The following COL10A1 variants were observed in gnomAD, a reference collection of about 807,000 sequenced individuals.
COL10A1 encodes the protein collagen alpha-1(X) chain.
COL10A1 carries 10 observed loss-of-function variants against 18.2 expected under a neutral mutation model. The observed-to-expected ratio is 0.55, with a 90% confidence interval of 0.34 to 0.93. COL10A1 has a LOEUF of 0.93. Among genes scored for constraint, COL10A1 ranks in the 40% least tolerant of loss-of-function variants. The probability of loss-of-function intolerance (pLI) is 0.02; values close to 1 mark genes in which losing one functional copy is unlikely to be tolerated. For missense variants in COL10A1, 897 were observed against 853.5 expected (o/e 1.05, Z -0.64); for synonymous variants, 330 against 316.6 (o/e 1.04, Z -0.45).
At chr6:116,209,752 A>C in the COL10A1 span, among the ~76,000 whole-genome samples, 6 of 151,972 alleles carry the variant, frequency 3.9e-5, no homozygotes, top group Non-Finnish European at 2.9e-5. Flanking sequence ...AGACAATATC[A>C]GTTCAGTGAC....
chr6:116,203,909 T>C, the COL10A1 span, among the ~76,000 whole-genome samples: 1 of 151,976 alleles, frequency 6.6e-6, no homozygotes, highest in Non-Finnish European at 1.5e-5. Flanking sequence ...ATATCTATAA[T>C]TATTATCATA....
upstream of COL10A1, among the ~76,000 whole-genome samples, chr6:116,160,002 AT>A (rs1780290925): frequency 6.6e-6 from 1 of 152,024 alleles, no homozygotes; most frequent in Non-Finnish European, 1.5e-5. Context: ...CATTTTTTTT[AT>A]TCCAGTCAAC....
intron 1 of COL10A1, among the ~76,000 whole-genome samples, chr6:116,142,273 T>C (rs1779786497): frequency 6.6e-6 from 1 of 151,904 alleles, no homozygotes; most frequent in African/African-American, 2.4e-5. Context: ...TTTGATTAAA[T>C]TCTATTTTTG....
chr6:116,128,083 C>CA (rs546837330), upstream of COL10A1, among the ~76,000 whole-genome samples: 399 of 152,104 alleles, frequency 2.6e-3, 10 homozygotes, highest in South Asian at 0.043. Context: ...ATTAGAGACA[C>CA]AAAAAAATCC....
intron 1 of COL10A1, among the ~76,000 whole-genome samples, chr6:116,153,137 A>G (rs1411159582): frequency 6.6e-6 from 1 of 151,318 alleles, no homozygotes; most frequent in African/African-American, 2.4e-5. Flanking sequence ...ATGTATATAC[A>G]TACATATTCA....
At chr6:116,161,102 A>G (rs1283782691), upstream of COL10A1, among the ~76,000 whole-genome samples, 1 of 150,900 alleles carries the variant, frequency 6.6e-6, no homozygotes, top group East Asian at 2.0e-4. Flanking sequence ...CAAAAAACCA[A>G]ACACCGCATG....
At chr6:116,145,984 C>A (rs1281980670) in intron 1 of COL10A1, among the ~76,000 whole-genome samples, 1 of 152,220 alleles carries the variant, frequency 6.6e-6, no homozygotes, top group South Asian at 2.1e-4. Context: ...AGGCAGAAAT[C>A]TTTCCTTACT....
At chr6:116,127,038 G>A (rs892865604), upstream of COL10A1, among the ~76,000 whole-genome samples, 2 of 152,118 alleles carry the variant, frequency 1.3e-5, no homozygotes, top group African/African-American at 2.4e-5. Flanking sequence ...GAAGTTGAGA[G>A]TCCAAATTTT....
chr6:116,121,463 C>A lies in COL10A1; in HGVS notation c.653G>T (p.Gly218Val), dbSNP rs761203337. Residue 218 changes from glycine to valine, a missense_variant, in exon 3 of 3, where the codon GGA becomes GTA. Gly to Val is a moderately radical substitution (Grantham distance 109, BLOSUM62 -3). Coordinates refer to ENST00000651968, the MANE Select transcript of COL10A1 (RefSeq NM_000493.4). The stretch of plus-strand genomic sequence containing the variant: ...CCCATTTTCACCTCTTTTTCCCACT[C>A]CAGGAGGGCCAGATGGTCCTGTGGG... ...QGPTGPSGPP[G>V]VGKRGENGVP... The A allele has an allele frequency of 8.7e-6, 14 of 1,614,132 alleles. No individual in the cohort carries two copies. In the South Asian group the frequency reaches 1.2e-4, roughly 14 times the overall value.
At chr6:116,178,399 A>T in the COL10A1 span, among the ~76,000 whole-genome samples, 3 of 152,204 alleles carry the variant, frequency 2.0e-5, no homozygotes, top group Admixed American at 2.0e-4. Context: ...TAAAGGCGAT[A>T]GAAAGAATCT....
intron 2 of COL10A1, among the ~76,000 whole-genome samples, chr6:116,124,602 TA>T (rs2114304879): frequency 6.6e-6 from 1 of 152,288 alleles, no homozygotes; most frequent in Admixed American, 6.5e-5. Flanking sequence ...TAGCAACACT[TA>T]AAGCACTTTA....
chr6:116,142,534 G>GA (rs1373922157), intron 1 of COL10A1, among the ~76,000 whole-genome samples: 12 of 152,058 alleles, frequency 7.9e-5, no homozygotes, highest in African/African-American at 2.9e-4. Flanking sequence ...GTTAGCATCT[G>GA]AAAATAAACA....
upstream of COL10A1, among the ~76,000 whole-genome samples, chr6:116,162,210 T>C (rs1319452719): frequency 6.6e-6 from 1 of 152,184 alleles, no homozygotes; most frequent in Non-Finnish European, 1.5e-5. Context: ...TGTAAGATTA[T>C]GTCCTCAGTG....
chr6:116,166,152 C>G, the COL10A1 span, among the ~76,000 whole-genome samples: 2 of 152,164 alleles, frequency 1.3e-5, no homozygotes, highest in African/African-American at 4.8e-5. Context: ...TTCAGAGGTT[C>G]TCGGGAGTCA....
the COL10A1 span, among the ~76,000 whole-genome samples, chr6:116,207,437 A>C: frequency 6.6e-6 from 1 of 151,944 alleles, no homozygotes; most frequent in Non-Finnish European, 1.5e-5. Flanking sequence ...TATATAGGTA[A>C]AGACTAAGTT....
chr6:116,131,514 A>G (rs1779464536), intron 1 of COL10A1, among the ~76,000 whole-genome samples: 1 of 152,142 alleles, frequency 6.6e-6, no homozygotes, highest in Non-Finnish European at 1.5e-5. Flanking sequence ...TATAGATAAC[A>G]GTTTATATTG....
At chr6:116,197,215 G>A in the COL10A1 span, among the ~76,000 whole-genome samples, 1 of 151,890 alleles carries the variant, frequency 6.6e-6, no homozygotes, top group Non-Finnish European at 1.5e-5. Context: ...ATCTGGCCAC[G>A]GATCTGCTTT....
the COL10A1 span, among the ~76,000 whole-genome samples, chr6:116,163,893 C>T: frequency 5.8e-4 from 88 of 152,154 alleles, no homozygotes; most frequent in Non-Finnish European, 1.1e-3. Context: ...TTTCCATTTA[C>T]GTATGTGGTT....
In COL10A1 at chr6:116,121,551, C is replaced by A. The variant is rs762721417; in HGVS notation, c.565G>T (p.Gly189Trp). 8 of 1,614,030 alleles carry A rather than the reference C, an allele frequency of 5.0e-6. No individual in the cohort carries two copies. Among genetic ancestry groups the A allele is most frequent in the Non-Finnish European group, 6.8e-6 (8 of 1,180,020 alleles). Residue 189 changes from glycine (G) to tryptophan (W), a missense_variant, in exon 3 of 3, where the codon GGG becomes TGG. Transcript: ENST00000651968. Reference sequence around the variant, plus strand: ...CCAGGAGCACCATATCCCATTTCCCCTTTCTGTCCATTCATACCAGGGACT... The same window carrying A: ...CCAGGAGCACCATATCCCATTTCCCATTTCTGTCCATTCATACCAGGGACT... ...PGVPGMNGQK[G>W]EMGYGAPGRP... is the part of the protein sequence containing the mutation.
Sources: allele counts gnomAD v4.1 joint callset (sites outside exome capture counted in the v4.1 genomes callset), GRCh38; gene constraint gnomAD v4.1.1; transcripts MANE v1.5; gene names NCBI Gene and HGNC (gene_info 2026-07-23, HGNC 2026-07-21).